The following MAGI3 variants were observed in gnomAD, a reference collection of about 807,000 sequenced individuals.
MAGI3 encodes the protein membrane associated guanylate kinase, WW and PDZ domain containing 3, also known as membrane-associated guanylate kinase, WW and PDZ domain-containing protein 3.
MAGI3 carries 43 observed loss-of-function variants against 121.8 expected under a neutral mutation model. That is an observed-to-expected ratio of 0.35 (90% CI 0.28 to 0.46). The LOEUF (loss-of-function observed/expected upper bound fraction) is 0.46, where lower values mean the gene tolerates loss of function less well. Among genes scored for constraint, MAGI3 ranks in the 20% least tolerant of loss-of-function variants. The pLI, the probability that MAGI3 is intolerant of heterozygous loss-of-function variation, is 1.00. For synonymous variants in MAGI3, 553 were observed against 639.3 expected (o/e 0.86, Z 2.04); for missense variants, 1,547 against 1,797.3 (o/e 0.86, Z 2.52).
Position 113,683,568 on chromosome 1 carries a change from T to C in MAGI3, c.4000T>C (p.Ser1334Pro), listed in dbSNP as rs1442030638. ...GCAGATCCCAGATGGGAAGGAAAAA[T>C]CAGACGTCATCAGGAAAGATGCAAA... ...AEQIPDGKEK[S>P]DVIRKDAKQN... The change falls in exon 21 of 21, where the codon TCA (serine) becomes CCA (proline). Residue 1334 changes from serine (S) to proline (P), a missense_variant. By Grantham distance (74) the Ser-to-Pro change is moderately conservative (BLOSUM62 -1). Transcript: ENST00000307546. 2 of 1,613,062 alleles carry C rather than the reference T, an allele frequency of 1.2e-6. No homozygotes were observed. Among genetic ancestry groups the C allele is most frequent in the East Asian group, 4.5e-5 (2 of 44,840 alleles).
At chr1:113,628,024 T>C (rs1018819063) in intron 9 of MAGI3, among the ~76,000 whole-genome samples, 5 of 152,124 alleles carry the variant, frequency 3.3e-5, no homozygotes, top group African/African-American at 9.7e-5. Context: ...GGATTGAGTG[T>C]TATTAATGAT....
At chr1:113,544,783 A>C (rs996875211) in intron 1 of MAGI3, among the ~76,000 whole-genome samples, 1 of 152,226 alleles carries the variant, frequency 6.6e-6, no homozygotes, top group Non-Finnish European at 1.5e-5. Context: ...GATATTCTTA[A>C]TGTCTGTTTA....
chr1:113,507,214 TATGAGGTAGCTGCTGTAGC>T (rs1258896465), intron 1 of MAGI3, among the ~76,000 whole-genome samples: 2 of 152,258 alleles, frequency 1.3e-5, no homozygotes, highest in Non-Finnish European at 2.9e-5. Flanking sequence ...TGGGATACAC[TATGAGGTAGCTGCTGTAGC>T]TGTTTTACAT....
At chr1:113,403,389 G>A (rs1651507590) in intron 1 of MAGI3, among the ~76,000 whole-genome samples, 1 of 152,090 alleles carries the variant, frequency 6.6e-6, no homozygotes. Context: ...ACTAGATGCT[G>A]TTATGATGAA....
intron 6 of MAGI3, among the ~76,000 whole-genome samples, chr1:113,602,989 C>T (rs971931553): frequency 2.6e-5 from 4 of 151,160 alleles, no homozygotes; most frequent in Admixed American, 1.3e-4. Context: ...TATGTGTATA[C>T]ATACACAGAA....
In MAGI3 at chr1:113,683,882, C is replaced by G; in HGVS notation, c.4314C>G (p.Asn1438Lys). Residue 1438 changes from asparagine to lysine, a missense_variant, in exon 21 of 21, where the codon AAC becomes AAG. Transcript: ENST00000307546. ...KGKELEAADK[N>K]KETGRFKPES... ...AAGAACTAGAGGCAGCTGACAAAAA[C>G]AAAGAGACTGGAAGGTTCAAACCGG... The G allele has an allele frequency of 1.2e-6, 2 of 1,612,554 alleles. No individual in the cohort carries two copies.
chr1:113,438,541 C>T (rs1377773655), intron 1 of MAGI3, among the ~76,000 whole-genome samples: 1 of 152,154 alleles, frequency 6.6e-6, no homozygotes, highest in Non-Finnish European at 1.5e-5. Flanking sequence ...ATTTGGTTCA[C>T]AGTTAGGCAG....
chr1:113,530,252 GA>G (rs772838761), intron 1 of MAGI3, among the ~76,000 whole-genome samples: 5 of 150,772 alleles, frequency 3.3e-5, no homozygotes, highest in Non-Finnish European at 7.4e-5. Flanking sequence ...GTCCATTGTT[GA>G]AAGTTGATTC....
At chr1:113,625,578 AAT>A (rs1461299432) in intron 9 of MAGI3, among the ~76,000 whole-genome samples, 2 of 152,092 alleles carry the variant, frequency 1.3e-5, no homozygotes, top group African/African-American at 4.8e-5. Flanking sequence ...TATCAGTTCT[AAT>A]AGTTTTTTTA....
At chr1:113,637,133 G>C (rs1224590256) in intron 9 of MAGI3, among the ~76,000 whole-genome samples, 1 of 152,120 alleles carries the variant, frequency 6.6e-6, no homozygotes, top group Non-Finnish European at 1.5e-5. Flanking sequence ...CTCTGCACGT[G>C]AGATGGGTTT....
intron 2 of MAGI3, among the ~76,000 whole-genome samples, chr1:113,549,874 T>A (rs1659693127): frequency 6.6e-6 from 1 of 151,862 alleles, no homozygotes. Flanking sequence ...ATCCCAGCAC[T>A]TTGGGAGGCC....
At chr1:113,569,758 T>C (rs1303255688) in intron 2 of MAGI3, among the ~76,000 whole-genome samples, 1 of 152,192 alleles carries the variant, frequency 6.6e-6, no homozygotes, top group African/African-American at 2.4e-5. Context: ...CAATTATAAT[T>C]GCCAGGGTTT....
In MAGI3 at chr1:113,638,514, G is replaced by A. The variant is rs555608016; in HGVS notation, c.1361-3397G>A. ...GGTCCACTCCCTACCCTGTTTGCCC[G>A]GGTACCAGCAGCGGTAGCTGCACAG... On this transcript the variant is annotated intron_variant, in intron 9 of 20. Coordinates refer to ENST00000307546, the MANE Select transcript of MAGI3 (RefSeq NM_001142782.2). Among the ~76,000 whole-genome samples the A allele has an allele frequency of 7.2e-5, 11 of 152,348 alleles. No homozygotes were observed. In the East Asian group the frequency reaches 7.7e-4, roughly 11 times the overall value.
At chr1:113,467,315 AT>A (rs1414364018) in intron 1 of MAGI3, among the ~76,000 whole-genome samples, 1 of 152,132 alleles carries the variant, frequency 6.6e-6, no homozygotes, top group Non-Finnish European at 1.5e-5. Flanking sequence ...GATACTTGAT[AT>A]GATTTCTACT....
At chr1:113,540,307 A>C (rs889992473) in intron 1 of MAGI3, among the ~76,000 whole-genome samples, 1 of 152,248 alleles carries the variant, frequency 6.6e-6, no homozygotes, top group East Asian at 1.9e-4. Context: ...CACACAAAAC[A>C]TAATTTCTGA....
chr1:113,567,805 C>T (rs990878319), intron 2 of MAGI3, among the ~76,000 whole-genome samples: 9 of 151,968 alleles, frequency 5.9e-5, no homozygotes, highest in Non-Finnish European at 7.4e-5. Flanking sequence ...TGCAATAAAG[C>T]AAGGATGCCT....
chr1:113,682,509 A>G, intron 20 of MAGI3: 1 of 1,308,910 alleles, frequency 7.6e-7, no homozygotes, highest in South Asian at 2.2e-5. Flanking sequence ...TTAATTAGTG[A>G]TTTTGCCATA....
At chr1:113,401,525 T>G (rs952378499) in intron 1 of MAGI3, among the ~76,000 whole-genome samples, 2 of 152,184 alleles carry the variant, frequency 1.3e-5, no homozygotes, top group African/African-American at 4.8e-5. Flanking sequence ...GCGGAAAATA[T>G]TCTCTATAAT....
chr1:113,569,676 A>C (rs1248912842), intron 2 of MAGI3, among the ~76,000 whole-genome samples: 3 of 152,166 alleles, frequency 2.0e-5, no homozygotes, highest in African/African-American at 7.2e-5. Flanking sequence ...GTACTTCATC[A>C]ATACTAAGAC....
Sources: allele counts gnomAD v4.1 joint callset (sites outside exome capture counted in the v4.1 genomes callset), GRCh38; gene constraint gnomAD v4.1.1; transcripts MANE v1.5; gene names NCBI Gene and HGNC (gene_info 2026-07-23, HGNC 2026-07-21).